Variants in ZNF383 observed in about 807,000 individuals in gnomAD.
ZNF383 encodes zinc finger protein 383.
A neutral mutation model predicts 44.2 loss-of-function variants in ZNF383; 32 were observed. The observed-to-expected ratio is 0.72, with a 90% CI of 0.55 to 0.97. The LOEUF is 0.97. ZNF383 is among the 50% of genes least tolerant of loss of function. ZNF383 has a pLI of 0.00. For synonymous variants in ZNF383, 155 were observed against 186.2 expected (o/e 0.83, Z 1.36); for missense variants, 487 against 562.5 (o/e 0.87, Z 1.36).
intron 1 of ZNF383, among the ~76,000 whole-genome samples, chr19:37,218,717 C>T (rs1403110024): frequency 1.3e-5 from 2 of 152,052 alleles, no homozygotes; most frequent in Non-Finnish European, 2.9e-5. Flanking sequence ...ATCTACTACC[C>T]AGAAATAACC....
At chr19:37,238,731 C>T (rs1385382416) in intron 5 of ZNF383, among the ~76,000 whole-genome samples, 2 of 152,106 alleles carry the variant, frequency 1.3e-5, no homozygotes, top group African/African-American at 2.4e-5. Context: ...TTGGATGTAC[C>T]TGTAGATGAT....
At chr19:37,223,759 C>T (rs146706673) in intron 1 of ZNF383, among the ~76,000 whole-genome samples, 2,041 of 152,064 alleles carry the variant, frequency 0.013, 43 homozygotes, top group Admixed American at 0.054. Context: ...GTTGGCCGGG[C>T]GCAGTGGCTC....
chr19:37,224,585 C>T (rs1973070366), intron 1 of ZNF383, among the ~76,000 whole-genome samples: 1 of 152,076 alleles, frequency 6.6e-6, no homozygotes, highest in Non-Finnish European at 1.5e-5. Flanking sequence ...GGGCCTCTCA[C>T]TCTGTCACCC....
At chr19:37,234,171 A>C (rs1973652262) in intron 3 of ZNF383, among the ~76,000 whole-genome samples, 1 of 151,700 alleles carries the variant, frequency 6.6e-6, no homozygotes, top group Admixed American at 6.6e-5. Context: ...GCCCACATCT[A>C]TTTTATTAAA....
chr19:37,232,608 A>C (rs1973552900), intron 3 of ZNF383, among the ~76,000 whole-genome samples: 1 of 152,200 alleles, frequency 6.6e-6, no homozygotes, highest in Non-Finnish European at 1.5e-5. Flanking sequence ...TAGGGGTTAC[A>C]AGTGATCTTT....
At chr19:37,234,539 G>A (rs913381264) in intron 3 of ZNF383, among the ~76,000 whole-genome samples, 6 of 151,982 alleles carry the variant, frequency 3.9e-5, no homozygotes, top group South Asian at 2.1e-4. Context: ...ACAGGCGCCC[G>A]CCACCACGCC....
At chr19:37,230,053 G>A (rs892923911) in intron 2 of ZNF383, among the ~76,000 whole-genome samples, 4 of 151,960 alleles carry the variant, frequency 2.6e-5, no homozygotes, top group Admixed American at 6.6e-5. Flanking sequence ...GGAGGTCATG[G>A]TAGCTCAGTC....
chr19:37,223,294 C>A (rs773717447), intron 1 of ZNF383, among the ~76,000 whole-genome samples: 13 of 152,142 alleles, frequency 8.5e-5, no homozygotes, highest in Non-Finnish European at 1.5e-4. Context: ...CCAAATTGAT[C>A]ATATGCTGGG....
intron 1 of ZNF383, among the ~76,000 whole-genome samples, chr19:37,220,596 C>T (rs570053481): frequency 2.4e-4 from 35 of 148,470 alleles, no homozygotes; most frequent in East Asian, 1.4e-3. Flanking sequence ...CTTTATATTA[C>T]GTAATACAGA....
rs992153708 is a variant in ZNF383 at position 37,246,028 on chromosome 19, C to A, written c.*2364C>A. ...GCCAGGCTGCTCTCAAACTCCTGAC[C>A]TCGTGATCCTCCTGCCTTGGCTTCC... is the stretch of plus-strand genomic sequence containing the variant. On this transcript the variant is annotated 3_prime_UTR_variant, in exon 6 of 6. Transcript: ENST00000684119. 1 of 152,306 alleles carries A rather than the reference C, an allele frequency of 6.6e-6. No homozygotes were observed. The highest frequency in any genetic ancestry group is 6.5e-5 in the Admixed American group (1 of 15,286). The allele number at this position is 152,306 out of a possible 1,614,324, so 9.4% of individuals were successfully genotyped here.
intron 2 of ZNF383, among the ~76,000 whole-genome samples, chr19:37,228,262 G>GT (rs1863482076): frequency 6.6e-6 from 1 of 152,008 alleles, no homozygotes; most frequent in Non-Finnish European, 1.5e-5. Flanking sequence ...TCGCATTTTT[G>GT]TTTTTTGGTC....
intron 3 of ZNF383, 49 bp downstream of exon 3, chr19:37,230,511 A>G (rs1973437405): frequency 1.9e-6 from 3 of 1,608,020 alleles, no homozygotes; most frequent in Non-Finnish European, 2.5e-6. Context: ...TTAAAAAAAA[A>G]AAAAAGACAT....
chr19:37,240,353 A>G (rs1401081805), intron 5 of ZNF383, among the ~76,000 whole-genome samples: 1 of 152,176 alleles, frequency 6.6e-6, no homozygotes, highest in South Asian at 2.1e-4. Context: ...ACTCCAAAAC[A>G]TGTATATACA....
chr19:37,230,583 T>A (rs560231889), intron 3 of ZNF383, 121 bp downstream of exon 3: 2 of 1,091,754 alleles, frequency 1.8e-6, no homozygotes, highest in South Asian at 2.7e-5. Context: ...AGAATCCTTG[T>A]CCCCATTTTT....
rs575265869 is a variant in ZNF383, at chr19:37,244,124, C to G, written c.*460C>G. 6.6e-6 allele frequency: 1 copy of G among 152,164 alleles called. No individual in the cohort carries two copies. The highest frequency in any genetic ancestry group is 2.4e-5 in the African/African-American group (1 of 41,386). The allele number at this position is 152,164 out of a possible 1,614,324, so 9.4% of individuals were successfully genotyped here. A position where few individuals can be genotyped will look rare whatever the true frequency, so the allele number is the denominator to read the frequency against. On this transcript the variant is annotated 3_prime_UTR_variant, in exon 6 of 6. Transcript: ENST00000684119. ...TTTGAGACGGAGTTTCACTCTGTTG[C>G]CCAGGCTGGAGTGCAGTGGCGCAAT... is the stretch of plus-strand genomic sequence containing the variant.
At chr19:37,234,052 C>T (rs541891884) in intron 3 of ZNF383, among the ~76,000 whole-genome samples, 1 of 151,704 alleles carries the variant, frequency 6.6e-6, no homozygotes, top group Admixed American at 6.6e-5. Context: ...TTAGTAAAGA[C>T]GGGGTTTCTC....
At chr19:37,227,144 C>T (rs1368070791) in intron 2 of ZNF383, among the ~76,000 whole-genome samples, 7 of 109,986 alleles carry the variant, frequency 6.4e-5, no homozygotes, top group African/African-American at 1.1e-4. Flanking sequence ...GACAGAGCTT[C>T]GCTCTTGTTG....
At chr19:37,225,604 A>T (rs765630531) in intron 2 of ZNF383, among the ~76,000 whole-genome samples, 2 of 152,058 alleles carry the variant, frequency 1.3e-5, no homozygotes, top group Non-Finnish European at 2.9e-5. Flanking sequence ...CATTTATAAT[A>T]GTATTTGTCT....
chr19:37,235,595 A>G lies in ZNF383; in HGVS notation c.56A>G (p.Glu19Gly). The G allele has an allele frequency of 6.2e-7, 1 of 1,613,966 alleles. No homozygotes were observed. The highest frequency in any genetic ancestry group is 8.5e-7 in the Non-Finnish European group (1 of 1,179,938). The change falls in exon 4 of 6, where the codon GAG becomes GGG. Residue 19 changes from glutamate (E) to glycine (G), a missense_variant. Coordinates refer to ENST00000684119, the MANE Select transcript of ZNF383 (RefSeq NM_001387601.1). ...GTGTCCATAGACTTCTCTCAGGAGG[A>G]GTGGGACTGCCTGGACCCTGTTCAG... ...SDVSIDFSQE[E>G]WDCLDPVQRD...
Sources: gnomAD v4.1 joint callset for allele counts (sites outside exome capture counted in the v4.1 genomes callset) on GRCh38, gnomAD v4.1.1 for gene constraint, MANE v1.5 for transcripts, NCBI Gene and HGNC (gene_info 2026-07-23, HGNC 2026-07-21) for gene names.